DNAJC8: variants seen among roughly 807,000 people sequenced by gnomAD.
DNAJC8 encodes dnaJ homolog subfamily C member 8.
In DNAJC8, 24 loss-of-function variants were observed where a neutral mutation model predicts 43.2. The ratio of observed to expected loss-of-function variants is 0.56; its 90% CI spans 0.40 to 0.78. The LOEUF (loss-of-function observed/expected upper bound fraction) is 0.78. DNAJC8 is among the 30% of genes least tolerant of loss of function. The pLI is 0.00. For missense variants in DNAJC8, 207 were observed against 299.4 expected (o/e 0.69, Z 2.28); for synonymous variants, 83 against 98.0 (o/e 0.85, Z 0.90).
At chr1:28,221,510 A>C (rs1314853004) in intron 2 of DNAJC8, among the ~76,000 whole-genome samples, 1 of 152,160 alleles carries the variant, frequency 6.6e-6, no homozygotes, top group Non-Finnish European at 1.5e-5. Flanking sequence ...TTCCACTTTC[A>C]GAACTACAAT....
chr1:28,232,884 G>C (rs573802098), intron 1 of DNAJC8, 37 bp downstream of exon 1: 4 of 1,605,864 alleles, frequency 2.5e-6, no homozygotes, highest in African/African-American at 1.3e-5. Flanking sequence ...TCCGGGAGCG[G>C]TCGCCCCGGT....
intron 2 of DNAJC8, among the ~76,000 whole-genome samples, chr1:28,226,057 G>A (rs1465002595): frequency 6.6e-6 from 1 of 150,860 alleles, no homozygotes; most frequent in African/African-American, 2.4e-5. Context: ...AAAAGTGAGG[G>A]GAGTTTTTTT....
chr1:28,200,635 A>G lies in DNAJC8; in HGVS notation c.*613T>C, dbSNP rs555289333. On this transcript the variant is annotated 3_prime_UTR_variant, in exon 9 of 9. Coordinates refer to ENST00000263697, the MANE Select transcript of DNAJC8 (RefSeq NM_014280.3). ...CAGGCTAGGACATGGTACTGGGTGG[A>G]GGACGGCTAGCTCTTTGGAAAGTGA... The G allele has an allele frequency of 8.8e-6, 4 of 455,788 alleles. No homozygotes were observed. Among genetic ancestry groups the G allele is most frequent in the South Asian group, 1.5e-5 (1 of 64,528 alleles). 28.2% of individuals were successfully genotyped at this position (455,788 alleles called of 1,614,324 possible).
Position 28,209,999 on chromosome 1 carries a change from C to T in DNAJC8, c.372G>A (p.Gln124=). The stretch of plus-strand genomic sequence containing the variant: ...TGTGTTCCACGTATTCTTTTCCTGC[C>T]TGAATTACATCCAGGGCCCTCTTCT... ...EQKKRALDVI[Q]AGKEYVEHTV... The change falls in exon 5 of 9, where the codon CAG becomes CAA. Residue 124 remains glutamine, a synonymous_variant. Transcript: ENST00000263697. 1.2e-6 allele frequency: 2 copies of T among 1,614,032 alleles called. No homozygotes were observed. Among genetic ancestry groups the T allele is most frequent in the South Asian group, 2.2e-5 (2 of 91,078 alleles).
At chr1:28,219,836 C>T (rs1268521155) in intron 2 of DNAJC8, among the ~76,000 whole-genome samples, 1 of 152,118 alleles carries the variant, frequency 6.6e-6, no homozygotes, top group African/African-American at 2.4e-5. Context: ...GCCACCATGC[C>T]CAGCTAATTT....
Position 28,210,023 on chromosome 1 carries a change from C to G in DNAJC8, c.348G>C (p.Lys116Asn). ...CCTGAATTACATCCAGGGCCCTCTT[C>G]TTTTGCTCCTGATCCAGTAGCAACT... ...AYKLLLDQEQ[K>N]KRALDVIQAG... The change falls in exon 5 of 9, where the codon AAG becomes AAC. Residue 116 changes from lysine (K) to asparagine (N), a missense_variant. Lys to Asn is a moderately conservative substitution (Grantham distance 94, BLOSUM62 0). Around this residue, in one of 2 missense-constraint regions of DNAJC8, gnomAD observed 159 missense variants for 267.5 expected, o/e 0.59. Coordinates refer to ENST00000263697, the MANE Select transcript of DNAJC8 (RefSeq NM_014280.3). 1.2e-6 allele frequency: 2 copies of G among 1,614,158 alleles called. No individual in the cohort carries two copies. The highest frequency in any genetic ancestry group is 1.7e-6 in the Non-Finnish European group (2 of 1,179,998).
chr1:28,209,441 G>A (rs545975566), intron 5 of DNAJC8, among the ~76,000 whole-genome samples: 2 of 152,250 alleles, frequency 1.3e-5, no homozygotes, highest in South Asian at 4.1e-4. Context: ...GGAGACTTAT[G>A]TATGCCCTCA....
At chr1:28,224,225 A>G (rs1339308044) in intron 2 of DNAJC8, among the ~76,000 whole-genome samples, 1 of 152,188 alleles carries the variant, frequency 6.6e-6, no homozygotes, top group Non-Finnish European at 1.5e-5. Flanking sequence ...ACCTCCACAT[A>G]AAATACTTAT....
chr1:28,205,140 T>C (rs573639651), intron 7 of DNAJC8, 118 bp downstream of exon 7: 3 of 746,832 alleles, frequency 4.0e-6, no homozygotes, highest in Non-Finnish European at 6.3e-6. Flanking sequence ...TAGGTAACTA[T>C]TTTTATAGTC....
intron 2 of DNAJC8, among the ~76,000 whole-genome samples, chr1:28,222,982 G>GTGA (rs1646909204): frequency 6.6e-6 from 1 of 152,260 alleles, no homozygotes; most frequent in African/African-American, 2.4e-5. Context: ...CCAACACAGG[G>GTGA]TGTCTGAGAC....
intron 2 of DNAJC8, among the ~76,000 whole-genome samples, chr1:28,217,099 C>T (rs575716009): frequency 6.6e-6 from 1 of 151,466 alleles, no homozygotes; most frequent in East Asian, 1.9e-4. Context: ...TGAGCCACCG[C>T]GCCTGGCCTT....
At chr1:28,225,705 ATT>A (rs199980896) in intron 2 of DNAJC8, among the ~76,000 whole-genome samples, 8 of 137,460 alleles carry the variant, frequency 5.8e-5, no homozygotes, top group East Asian at 2.0e-4. Flanking sequence ...TTAAATGGTA[ATT>A]TTTTTTTTTT....
chr1:28,209,587 A>G (rs1646796056), intron 5 of DNAJC8, among the ~76,000 whole-genome samples: 1 of 152,216 alleles, frequency 6.6e-6, no homozygotes, highest in Non-Finnish European at 1.5e-5. Flanking sequence ...AGCCTTTGCC[A>G]AGCCTTGTTG....
At chr1:28,231,493 G>A (rs1176113049) in intron 1 of DNAJC8, among the ~76,000 whole-genome samples, 1 of 151,234 alleles carries the variant, frequency 6.6e-6, no homozygotes, top group Non-Finnish European at 1.5e-5. Flanking sequence ...GAGGCGGGAG[G>A]ACCTTAAGTC....
intron 2 of DNAJC8, among the ~76,000 whole-genome samples, chr1:28,218,324 A>T (rs1557710529): frequency 1.3e-5 from 2 of 151,604 alleles, no homozygotes. Flanking sequence ...CGAACTCCCG[A>T]CTTCAGGTGA....
At chr1:28,203,532 A>G (rs1646750182) in intron 8 of DNAJC8, among the ~76,000 whole-genome samples, 1 of 152,222 alleles carries the variant, frequency 6.6e-6, no homozygotes, top group Non-Finnish European at 1.5e-5. Context: ...TTTTAAAAAT[A>G]AATTTTAAAA....
At chr1:28,218,423 T>TA (rs1302398181) in intron 2 of DNAJC8, among the ~76,000 whole-genome samples, 1 of 149,068 alleles carries the variant, frequency 6.7e-6, no homozygotes, top group Non-Finnish European at 1.5e-5. Flanking sequence ...AACAAATAAT[T>TA]TTTTTTTTTT....
intron 5 of DNAJC8, 125 bp downstream of exon 5, chr1:28,209,847 T>C: frequency 1.3e-6 from 1 of 761,178 alleles, no homozygotes; most frequent in Admixed American, 2.3e-5. Context: ...AGCAAAGTGG[T>C]AGAGAGCACA....
chr1:28,220,205 C>A (rs949615433), intron 2 of DNAJC8, among the ~76,000 whole-genome samples: 1 of 152,176 alleles, frequency 6.6e-6, no homozygotes, highest in South Asian at 2.1e-4. Context: ...TATATCAGAA[C>A]AAATATTCAC....
Sources: gnomAD v4.1 joint callset for allele counts (sites outside exome capture counted in the v4.1 genomes callset) on GRCh38, gnomAD v4.1.1 for gene constraint, gnomAD v4.1.1 regional missense constraint, MANE v1.5 for transcripts, NCBI Gene and HGNC (gene_info 2026-07-23, HGNC 2026-07-21) for gene names.